The following RNF135 variants were observed in gnomAD, a reference collection of about 807,000 sequenced individuals.
The protein encoded by RNF135 is E3 ubiquitin-protein ligase RNF135.
RNF135 carries 46 observed loss-of-function variants against 41.9 expected under a neutral mutation model. The observed-to-expected ratio is 1.10, with a 90% CI of 0.87 to 1.40. RNF135 has a LOEUF of 1.40. Ranked by LOEUF, RNF135 falls within the 40% of genes most tolerant of loss-of-function variation. RNF135 has a pLI of 0.00. For missense variants in RNF135, 539 were observed against 549.8 expected, an observed-to-expected ratio of 0.98 and a Z score of 0.20; for synonymous variants, 238 against 223.8, an observed-to-expected ratio of 1.06 and a Z score of -0.57.
chr17:30,983,326 T>TAC (rs1884353808), intron 1 of RNF135, among the ~76,000 whole-genome samples: 2 of 33,574 alleles, frequency 6.0e-5, no homozygotes, highest in African/African-American at 2.0e-4. Context: ...TGTACATATA[T>TAC]ATATATATAT....
At chr17:30,972,035 G>C (rs997415580) in intron 1 of RNF135, 1 of 152,326 alleles carries the variant, frequency 6.6e-6, no homozygotes, top group Admixed American at 6.6e-5. Context: ...CAGATGATCC[G>C]TCCGCCTCGG....
At chr17:30,988,870 C>G (rs1441464774) in intron 3 of RNF135, among the ~76,000 whole-genome samples, 1 of 146,352 alleles carries the variant, frequency 6.8e-6, no homozygotes, top group Non-Finnish European at 1.5e-5. Context: ...TACAGGCGTG[C>G]GCCACCACGC....
chr17:30,999,067 TG>T lies in RNF135; in HGVS notation c.1177del (p.Asp393ThrfsTer33). ...LEEGKLAFYS[V>X]DNQEKLLYEC... ...GAGGGAAAGCTTGCCTTCTATTCAGTGGACAATCAGGAGAAGCTTCTGTATG... is the reference window on the plus strand; with the variant it reads ...GAGGGAAAGCTTGCCTTCTATTCAGTGACAATCAGGAGAAGCTTCTGTATG... On this transcript the variant is annotated frameshift_variant, in exon 5 of 5. Coordinates refer to ENST00000328381, the MANE Select transcript of RNF135 (RefSeq NM_032322.4). LOFTEE classifies it high-confidence loss of function. 6.2e-7 allele frequency: 1 copy of T among 1,614,154 alleles called. No individual in the cohort carries two copies. The highest frequency in any genetic ancestry group is 8.5e-7 in the Non-Finnish European group (1 of 1,180,022).
upstream of RNF135, chr17:30,969,360 A>T (rs1323685441): frequency 6.6e-6 from 1 of 152,252 alleles, no homozygotes; most frequent in African/African-American, 2.4e-5. Context: ...AGGATAGGCT[A>T]GGTTATGCTG....
chr17:30,965,864 C>A, the RNF135 span, among the ~76,000 whole-genome samples: 3 of 151,408 alleles, frequency 2.0e-5, no homozygotes, highest in Non-Finnish European at 2.9e-5. Flanking sequence ...CTGGTTGAGG[C>A]CACATGGCCA....
At chr17:30,959,919 G>A in the RNF135 span, 3 of 151,678 alleles carry the variant, frequency 2.0e-5, no homozygotes, top group African/African-American at 7.3e-5. Flanking sequence ...AGGAGGCAGA[G>A]GTGGGAGGCT....
chr17:30,969,728 CTTT>C (rs951794107), upstream of RNF135, among the ~76,000 whole-genome samples: 8 of 147,996 alleles, frequency 5.4e-5, no homozygotes, highest in Non-Finnish European at 3.0e-5. Flanking sequence ...ACCACAAACG[CTTT>C]TTTTTCTTTC....
intron 2 of RNF135, among the ~76,000 whole-genome samples, chr17:30,987,418 G>A (rs1907667546): frequency 1.3e-5 from 2 of 152,052 alleles, no homozygotes; most frequent in Non-Finnish European, 2.9e-5. Context: ...TTTTAGTACA[G>A]ACAGGGTTTC....
chr17:30,971,356 G>A lies in RNF135; in HGVS notation c.283G>A (p.Gly95Ser). The change falls in exon 1 of 5, where the codon GGC becomes AGC. Residue 95 changes from glycine (G) to serine (S), a missense_variant. Gly to Ser is a moderately conservative substitution (Grantham distance 56, BLOSUM62 0). Around this residue, in one of 2 missense-constraint regions of RNF135, gnomAD observed 277 missense variants for 212.8 expected, o/e 1.30. Coordinates refer to ENST00000328381, the MANE Select transcript of RNF135 (RefSeq NM_032322.4). Reference protein sequence around the residue: ...YRRAAREIQAGSDPAHCPCPG... With the variant: ...YRRAAREIQASSDPAHCPCPG... ...CCGCGCCGCACGCGAGATACAGGCGGGCTCCGACCCTGCCCACTGCCCCTG... is the reference window on the plus strand; with the variant it reads ...CCGCGCCGCACGCGAGATACAGGCGAGCTCCGACCCTGCCCACTGCCCCTG... 4 of 1,530,994 alleles carry A rather than the reference G, an allele frequency of 2.6e-6. No homozygotes were observed. Among genetic ancestry groups the A allele is most frequent in the Non-Finnish European group, 3.5e-6 (4 of 1,143,192 alleles). The allele number at this position is 1,530,994 out of a possible 1,614,324, so 94.8% of individuals were successfully genotyped here.
intron 1 of RNF135, chr17:30,972,401 C>T (rs866004905): frequency 2.6e-5 from 4 of 152,312 alleles, no homozygotes; most frequent in African/African-American, 9.6e-5. Flanking sequence ...GTGTGAGCCA[C>T]CGCGCCCCGC....
At chr17:30,982,408 A>G (rs1413535465) in intron 1 of RNF135, among the ~76,000 whole-genome samples, 1 of 152,172 alleles carries the variant, frequency 6.6e-6, no homozygotes, top group Non-Finnish European at 1.5e-5. Context: ...GACAAGGCAA[A>G]GTCTTTCTAT....
intron 3 of RNF135, among the ~76,000 whole-genome samples, chr17:30,993,185 T>C (rs2142728120): frequency 6.6e-6 from 1 of 151,960 alleles, no homozygotes; most frequent in African/African-American, 2.4e-5. Flanking sequence ...CTCAGCCTCC[T>C]GAGTAGCTGG....
upstream of RNF135, chr17:30,969,075 A>AT (rs930323895): frequency 4.3e-4 from 65 of 151,488 alleles, no homozygotes; most frequent in African/African-American, 1.1e-3. Flanking sequence ...TAGTTTTTGT[A>AT]TTTTTTTTGT....
intron 4 of RNF135, 42 bp downstream of exon 4, chr17:30,997,373 C>A: frequency 6.5e-7 from 1 of 1,540,390 alleles, no homozygotes; most frequent in South Asian, 1.1e-5. Flanking sequence ...TGGCTTGCCG[C>A]AGAGCGGGCT....
At chr17:30,961,078 A>G in the RNF135 span, among the ~76,000 whole-genome samples, 12 of 152,120 alleles carry the variant, frequency 7.9e-5, no homozygotes, top group Admixed American at 5.9e-4. Context: ...AGCACATGAT[A>G]CCTTTGAGAT....
chr17:30,971,211 G>T lies in RNF135; in HGVS notation c.138G>T (p.Glu46Asp). The change falls in exon 1 of 5, where the codon GAG becomes GAT. Residue 46 changes from glutamate (E) to aspartate (D), a missense_variant. Transcript: ENST00000328381. Reference sequence around the variant, plus strand: ...ACAGCTTCTGCCGCCACTGCCTGGAGGCCCTGTGGGGCGCCCGCGACGCCC... The same window carrying T: ...ACAGCTTCTGCCGCCACTGCCTGGATGCCCTGTGGGGCGCCCGCGACGCCC... ...CGHSFCRHCL[E>D]ALWGARDARR... The T allele has an allele frequency of 6.6e-7, 1 of 1,513,726 alleles. No individual in the cohort carries two copies. The highest frequency in any genetic ancestry group is 8.8e-7 in the Non-Finnish European group (1 of 1,138,214). 93.8% of individuals were successfully genotyped at this position (1,513,726 alleles called of 1,614,324 possible).
intron 1 of RNF135, among the ~76,000 whole-genome samples, chr17:30,983,349 ATATAT>A (rs1259110943): frequency 2.6e-5 from 1 of 38,702 alleles, no homozygotes; most frequent in African/African-American, 1.0e-4. Context: ...ATATATATAT[ATATAT>A]TTTTTTTTTT....
chr17:30,970,561 G>C (rs1905806583), upstream of RNF135: 1 of 156,042 alleles, frequency 6.4e-6, no homozygotes, highest in Admixed American at 6.5e-5. Context: ...CAGCATTTTT[G>C]AGGACGCTCC....
intron 1 of RNF135, among the ~76,000 whole-genome samples, chr17:30,976,387 A>C (rs766329191): frequency 3.3e-5 from 5 of 152,222 alleles, no homozygotes; most frequent in Admixed American, 1.3e-4. Context: ...CCTATCCTTG[A>C]GAATGATCAT....
Sources: allele counts gnomAD v4.1 joint callset (sites outside exome capture counted in the v4.1 genomes callset), GRCh38; gene constraint gnomAD v4.1.1; regional missense constraint gnomAD v4.1.1; transcripts MANE v1.5; gene names NCBI Gene and HGNC (gene_info 2026-07-23, HGNC 2026-07-21).